The following PCDH19 variants were observed in gnomAD, a reference collection of about 807,000 sequenced individuals.
PCDH19 encodes the protein protocadherin-19.
PCDH19 carries 6 observed loss-of-function variants against 46.2 expected under a neutral mutation model. The ratio of observed to expected loss-of-function variants is 0.13; its 90% CI spans 0.07 to 0.26. The LOEUF (loss-of-function observed/expected upper bound fraction) is 0.26. Among genes scored for constraint, PCDH19 ranks in the 10% least tolerant of loss-of-function variants. The pLI, the probability that PCDH19 is intolerant of heterozygous loss-of-function variation, is 1.00. For synonymous variants in PCDH19, 481 were observed against 415.7 expected (o/e 1.16, Z -1.91); for missense variants, 740 against 972.3 (o/e 0.76, Z 3.18).
At chrX:100,345,982 C>T (rs992333527) in intron 4 of PCDH19, among the ~76,000 whole-genome samples, 1 of 112,261 alleles carries the variant, frequency 8.9e-6, no homozygotes, top group Non-Finnish European at 1.9e-5. Context: ...CATAAAAATG[C>T]TGATTTCACT....
chrX:100,326,519 C>T (rs887530985), intron 5 of PCDH19, among the ~76,000 whole-genome samples: 1 of 111,105 alleles, frequency 9.0e-6, no homozygotes, highest in Non-Finnish European at 1.9e-5. Flanking sequence ...ATTTAAGAAC[C>T]GTGAAGCAAG....
intron 3 of PCDH19, among the ~76,000 whole-genome samples, chrX:100,393,520 AC>A (rs1209167558): frequency 1.8e-3 from 197 of 108,630 alleles, no homozygotes; most frequent in African/African-American, 6.2e-3. Context: ...ACACACACAC[AC>A]ACACACACAC....
At chrX:100,338,414 T>C (rs761663810) in intron 5 of PCDH19, among the ~76,000 whole-genome samples, 1 of 104,451 alleles carries the variant, frequency 9.6e-6, no homozygotes, top group East Asian at 3.0e-4. Context: ...CCCAGCTACT[T>C]GGGAAGCTAA....
chrX:100,371,001 G>A (rs901562414), intron 3 of PCDH19, among the ~76,000 whole-genome samples: 1 of 108,490 alleles, frequency 9.2e-6, no homozygotes, highest in African/African-American at 3.4e-5. Context: ...GCATGTGTGT[G>A]TGTGTGTGTG....
intron 4 of PCDH19, among the ~76,000 whole-genome samples, chrX:100,348,771 T>C (rs962038325): frequency 3.6e-5 from 4 of 111,434 alleles, no homozygotes; most frequent in African/African-American, 1.3e-4. Flanking sequence ...TCCCCAAAGA[T>C]AAATGTTCAA....
chrX:100,359,128 C>T (rs1926801860), intron 3 of PCDH19, among the ~76,000 whole-genome samples: 1 of 111,870 alleles, frequency 8.9e-6, no homozygotes, highest in Admixed American at 9.5e-5. Context: ...ACTAACTCAG[C>T]TAGAGCATGC....
intron 5 of PCDH19, among the ~76,000 whole-genome samples, chrX:100,333,112 G>GGGAAGGAAGGAA (rs778212504): frequency 1.4e-4 from 5 of 34,916 alleles, no homozygotes; most frequent in African/African-American, 4.9e-4. Context: ...GAAGGAGGGA[G>GGGAAGGAAGGAA]GGAAGGAAGG....
chrX:100,345,615 CA>C (rs1178329255), intron 4 of PCDH19, among the ~76,000 whole-genome samples: 2 of 111,466 alleles, frequency 1.8e-5, no homozygotes, highest in Admixed American at 1.9e-4. Context: ...CTGAATGTTA[CA>C]AACAACCTCA....
intron 3 of PCDH19, among the ~76,000 whole-genome samples, chrX:100,371,019 G>GTA (rs1159922296): frequency 8.7e-4 from 96 of 109,884 alleles, no homozygotes; most frequent in African/African-American, 3.0e-3. Context: ...GTGTGTGTGT[G>GTA]TGTGTGGGTG....
At chrX:100,309,847 T>G (rs1435425772) in intron 5 of PCDH19, among the ~76,000 whole-genome samples, 1 of 112,532 alleles carries the variant, frequency 8.9e-6, no homozygotes, top group Non-Finnish European at 1.9e-5. Context: ...GCAGAAATTC[T>G]GCAAAGTTTA....
Position 100,322,854 on chromosome X carries a change from TA to T in PCDH19, c.2848+19048del, listed in dbSNP as rs1370476341. Among the ~76,000 whole-genome samples, 68 of 58,739 alleles carry T rather than the reference TA, an allele frequency of 1.2e-3. 5 individuals carry two copies. The highest frequency in any genetic ancestry group is 4.5e-3 in the African/African-American group (58 of 12,765). 51.0% of individuals were successfully genotyped at this position (58,739 alleles called of 115,157 possible). A position where few individuals can be genotyped will look rare whatever the true frequency, so the allele number is the denominator to read the frequency against. The stretch of plus-strand genomic sequence containing the variant: ...CTAAGTATATATATATATATATATA[TA>T]TATATATATATTTTTGCAGCTATTG... On this transcript the variant is annotated intron_variant, in intron 5 of 5. Coordinates refer to ENST00000373034, the MANE Select transcript of PCDH19 (RefSeq NM_001184880.2).
intron 3 of PCDH19, among the ~76,000 whole-genome samples, chrX:100,402,207 T>C (rs1283258850): frequency 8.9e-6 from 1 of 112,044 alleles, no homozygotes; most frequent in Admixed American, 9.5e-5. Context: ...GGCATACTGG[T>C]ACTGCTGGCT....
chrX:100,370,431 T>C (rs923889492), intron 3 of PCDH19, among the ~76,000 whole-genome samples: 2 of 111,930 alleles, frequency 1.8e-5, no homozygotes, highest in African/African-American at 6.5e-5. Context: ...AAAGTCAGAC[T>C]CTCCTAGACG....
chrX:100,311,439 TA>T (rs1407885383), intron 5 of PCDH19, among the ~76,000 whole-genome samples: 1 of 111,473 alleles, frequency 9.0e-6, no homozygotes, highest in Non-Finnish European at 1.9e-5. Context: ...GTGTTCCCCT[TA>T]ACAGGAACTG....
intron 3 of PCDH19, among the ~76,000 whole-genome samples, chrX:100,386,192 G>C (rs1328539198): frequency 9.0e-6 from 1 of 111,300 alleles, no homozygotes; most frequent in Non-Finnish European, 1.9e-5. Flanking sequence ...CATCAGTTCT[G>C]TTCTTGGGAC....
intron 3 of PCDH19, among the ~76,000 whole-genome samples, chrX:100,374,920 C>T (rs1000183309): frequency 8.8e-5 from 9 of 102,029 alleles, no homozygotes; most frequent in African/African-American, 3.4e-4. Flanking sequence ...GCCCAGGCGA[C>T]AGAGCAAGAT....
intron 5 of PCDH19, among the ~76,000 whole-genome samples, chrX:100,300,905 C>G (rs1243687195): frequency 1.8e-5 from 1 of 56,182 alleles, no homozygotes; most frequent in Non-Finnish European, 3.5e-5. Context: ...AATTCCAAAA[C>G]CCCTGGCCAA....
chrX:100,372,428 T>G (rs1927255786), intron 3 of PCDH19, among the ~76,000 whole-genome samples: 1 of 111,816 alleles, frequency 8.9e-6, no homozygotes, highest in Non-Finnish European at 1.9e-5. Flanking sequence ...CTTTCTTCCC[T>G]AACAGGGCAA....
intron 3 of PCDH19, among the ~76,000 whole-genome samples, chrX:100,386,578 C>G (rs758094855): frequency 1.8e-5 from 2 of 111,693 alleles, no homozygotes; most frequent in African/African-American, 3.3e-5. Context: ...ATTTTAATTT[C>G]ATGGAAATTC....
Sources: allele counts gnomAD v4.1 joint callset (sites outside exome capture counted in the v4.1 genomes callset), GRCh38; gene constraint gnomAD v4.1.1; transcripts MANE v1.5; gene names NCBI Gene and HGNC (gene_info 2026-07-23, HGNC 2026-07-21).